Variants in AGTPBP1 observed in about 807,000 individuals in gnomAD.
The protein encoded by AGTPBP1 is cytosolic carboxypeptidase 1.
A neutral mutation model predicts 143.9 loss-of-function variants in AGTPBP1; 70 were observed. The ratio of observed to expected loss-of-function variants is 0.49; its 90% CI spans 0.40 to 0.59. AGTPBP1 has a LOEUF of 0.59. Among genes scored for constraint, AGTPBP1 ranks in the 20% least tolerant of loss-of-function variants. AGTPBP1 has a pLI of 0.00. For missense variants in AGTPBP1, 1,229 were observed against 1,464.5 expected (o/e 0.84, Z 2.62); for synonymous variants, 463 against 500.2 (o/e 0.93, Z 0.99).
In AGTPBP1 at chr9:85,729,200, T is replaced by C. The variant is rs186572234; in HGVS notation, c.-34+12575A>G. Among the ~76,000 whole-genome samples the C allele has an allele frequency of 4.6e-5, 7 of 152,216 alleles. No individual in the cohort carries two copies. The East Asian group carries it at 5.8e-4, about 13-fold the overall frequency. ...GTGCTGGAACAACTTGATATCCACA[T>C]GCCAAAGAATGAAGCAGCATTACTC... On this transcript the variant is annotated intron_variant, in intron 1 of 25. Transcript: ENST00000357081.
At chr9:85,591,309 G>C (rs1247858973) in intron 19 of AGTPBP1, among the ~76,000 whole-genome samples, 2 of 151,954 alleles carry the variant, frequency 1.3e-5, no homozygotes, top group Non-Finnish European at 2.9e-5. Flanking sequence ...GATAAGATTA[G>C]CTATAAAAGA....
intron 14 of AGTPBP1, among the ~76,000 whole-genome samples, chr9:85,627,882 G>A (rs1052883868): frequency 3.3e-5 from 5 of 152,198 alleles, no homozygotes; most frequent in African/African-American, 1.2e-4. Flanking sequence ...CAAAATAAGT[G>A]TGAACTGTTT....
upstream of AGTPBP1, among the ~76,000 whole-genome samples, chr9:85,744,084 A>G (rs527327149): frequency 4.2e-4 from 64 of 151,678 alleles, no homozygotes; most frequent in Admixed American, 7.2e-4. Context: ...ACACGTCACC[A>G]CACCTGGCTA....
the AGTPBP1 span, chr9:85,792,280 T>C: frequency 2.0e-5 from 3 of 152,234 alleles, no homozygotes; most frequent in African/African-American, 7.2e-5. Context: ...TGAGGAGTTA[T>C]CTGAGTTCAA....
chr9:85,728,891 CAAT>C (rs1284525156), intron 1 of AGTPBP1, among the ~76,000 whole-genome samples: 1 of 151,962 alleles, frequency 6.6e-6, no homozygotes, highest in African/African-American at 2.4e-5. Flanking sequence ...TTGATATTGT[CAAT>C]AATTTTCATG....
the AGTPBP1 span, among the ~76,000 whole-genome samples, chr9:85,795,933 A>T: frequency 8.0e-6 from 1 of 125,120 alleles, no homozygotes; most frequent in Admixed American, 1.1e-4. Flanking sequence ...AAGTTTAGTT[A>T]CTATATGCAA....
At chr9:85,751,122 A>G in the AGTPBP1 span, among the ~76,000 whole-genome samples, 1 of 152,160 alleles carries the variant, frequency 6.6e-6, no homozygotes, top group East Asian at 1.9e-4. Flanking sequence ...CTCCCCATTG[A>G]TACCTTTACT....
chr9:85,651,731 A>G (rs767460311), intron 11 of AGTPBP1, among the ~76,000 whole-genome samples: 16 of 152,190 alleles, frequency 1.1e-4, no homozygotes, highest in Non-Finnish European at 1.9e-4. Context: ...ATAAAGGTCC[A>G]GAAGTCTTGA....
upstream of AGTPBP1, among the ~76,000 whole-genome samples, chr9:85,745,448 T>C (rs938374863): frequency 3.3e-5 from 5 of 152,214 alleles, no homozygotes; most frequent in African/African-American, 1.2e-4. Flanking sequence ...TTCTGAGGAA[T>C]TAAGCAAATG....
intron 3 of AGTPBP1, among the ~76,000 whole-genome samples, chr9:85,687,357 A>G (rs1587902571): frequency 6.6e-6 from 1 of 152,192 alleles, no homozygotes; most frequent in Non-Finnish European, 1.5e-5. Flanking sequence ...TCTGAACAAC[A>G]CTATCAACTA....
chr9:85,710,090 C>T (rs1173320253), intron 2 of AGTPBP1, among the ~76,000 whole-genome samples: 2 of 152,100 alleles, frequency 1.3e-5, no homozygotes, highest in Admixed American at 1.3e-4. Flanking sequence ...TCACTATATA[C>T]TGGTTAAGTC....
At chr9:85,753,459 A>G in the AGTPBP1 span, 4 of 1,610,798 alleles carry the variant, frequency 2.5e-6, no homozygotes, top group Non-Finnish European at 3.4e-6. Context: ...TTTCTCTTCA[A>G]TCTGATGGTT....
At chr9:85,680,149 C>T (rs994327288) in intron 4 of AGTPBP1, among the ~76,000 whole-genome samples, 2 of 152,176 alleles carry the variant, frequency 1.3e-5, no homozygotes, top group Non-Finnish European at 2.9e-5. Context: ...ATTACTCATG[C>T]ATAATTTCCA....
At chr9:85,603,277 C>T (rs922252888) in intron 17 of AGTPBP1, among the ~76,000 whole-genome samples, 13 of 152,102 alleles carry the variant, frequency 8.5e-5, no homozygotes, top group African/African-American at 2.4e-4. Context: ...AGAGTGGAGA[C>T]GGGAGAGTAA....
intron 19 of AGTPBP1, among the ~76,000 whole-genome samples, chr9:85,590,068 G>GT (rs1828859657): frequency 6.6e-6 from 1 of 152,012 alleles, no homozygotes; most frequent in African/African-American, 2.4e-5. Context: ...GAAATTGTGA[G>GT]TGATAATAGA....
At chr9:85,654,836 C>T (rs1237244042) in intron 11 of AGTPBP1, among the ~76,000 whole-genome samples, 1 of 151,058 alleles carries the variant, frequency 6.6e-6, no homozygotes, top group Admixed American at 6.6e-5. Context: ...GAGCAAGACT[C>T]TGTCTCAAAA....
At chr9:85,761,217 C>T in the AGTPBP1 span, among the ~76,000 whole-genome samples, 1 of 152,174 alleles carries the variant, frequency 6.6e-6, no homozygotes, top group South Asian at 2.1e-4. Context: ...TTTATAGATT[C>T]AATGCCATCC....
At chr9:85,670,067 G>A (rs1834389728) in intron 7 of AGTPBP1, among the ~76,000 whole-genome samples, 1 of 152,206 alleles carries the variant, frequency 6.6e-6, no homozygotes, top group South Asian at 2.1e-4. Context: ...CATTTCTGGA[G>A]AAAATGATGC....
chr9:85,723,754 C>T (rs1419102369), intron 1 of AGTPBP1, among the ~76,000 whole-genome samples: 7 of 152,106 alleles, frequency 4.6e-5, no homozygotes, highest in Admixed American at 4.6e-4. Context: ...AGAAATCACC[C>T]GTCTTCTCCA....
Sources: gnomAD v4.1 joint callset for allele counts (sites outside exome capture counted in the v4.1 genomes callset) on GRCh38, gnomAD v4.1.1 for gene constraint, MANE v1.5 for transcripts, NCBI Gene and HGNC (gene_info 2026-07-23, HGNC 2026-07-21) for gene names.